Variants in PCDHGA3 observed in about 807,000 individuals in gnomAD.
PCDHGA3 encodes protocadherin gamma-A3.
In PCDHGA3, 40 loss-of-function variants were observed where a neutral mutation model predicts 58.5. The observed-to-expected ratio is 0.68, with a 90% CI of 0.53 to 0.89. PCDHGA3 has a LOEUF of 0.89. PCDHGA3 is among the 40% of genes least tolerant of loss of function. PCDHGA3 has a pLI of 0.00. For missense variants in PCDHGA3, 1,223 were observed against 1,195.9 expected (o/e 1.02, Z -0.33); for synonymous variants, 530 against 525.7 (o/e 1.01, Z -0.11).
chr5:141,345,144 G>A lies in PCDHGA3; in HGVS notation c.1111G>A (p.Val371Met), dbSNP rs369622113. The A allele has an allele frequency of 1.9e-6, 3 of 1,613,994 alleles. No individual in the cohort carries two copies. Among genetic ancestry groups the A allele is most frequent in the East Asian group, 2.2e-5 (1 of 44,882 alleles). Residue 371 changes from valine (V) to methionine (M), a missense_variant, in exon 1 of 4, where the codon GTG becomes ATG. This residue lies in a region of PCDHGA3 where 791 missense variants were observed against 708.5 expected (regional missense o/e 1.12). Coordinates refer to ENST00000253812, the MANE Select transcript of PCDHGA3 (RefSeq NM_018916.4). The stretch of plus-strand genomic sequence containing the variant: ...TGGAAGAGAAATTGCTCTTATCGAC[G>A]TGCATGACCGAGATTCTGGGCAGAA... Reference protein sequence around the residue: ...TVGREIALIDVHDRDSGQNGQ... With the variant: ...TVGREIALIDMHDRDSGQNGQ...
At chr5:141,356,535 C>G (rs777731122) in intron 1 of PCDHGA3, 1 of 1,614,054 alleles carries the variant, frequency 6.2e-7, no homozygotes, top group Non-Finnish European at 8.5e-7. Flanking sequence ...TGATGGACAT[C>G]AATGACAACC....
chr5:141,377,336 T>A (rs1773892905), intron 1 of PCDHGA3: 1 of 152,194 alleles, frequency 6.6e-6, no homozygotes, highest in South Asian at 2.1e-4. Context: ...GCTAGCATGG[T>A]GGTTCACGCC....
intron 1 of PCDHGA3, among the ~76,000 whole-genome samples, chr5:141,381,589 C>G (rs1777301144): frequency 6.6e-6 from 1 of 152,152 alleles, no homozygotes; most frequent in Admixed American, 6.5e-5. Context: ...ATCCATTATC[C>G]AGTTTCTTAT....
intron 1 of PCDHGA3, among the ~76,000 whole-genome samples, chr5:141,348,496 T>A (rs1165507036): frequency 1.3e-5 from 2 of 152,088 alleles, no homozygotes; most frequent in African/African-American, 2.4e-5. Flanking sequence ...AGAAAAAAAA[T>A]TAATTAGCTG....
At chr5:141,354,958 G>A (rs1759675206) in intron 1 of PCDHGA3, 3 of 490,374 alleles carry the variant, frequency 6.1e-6, no homozygotes, top group South Asian at 1.1e-4. Flanking sequence ...TGCAGTAACA[G>A]GTTAAGACTC....
intron 1 of PCDHGA3, among the ~76,000 whole-genome samples, chr5:141,456,083 G>A (rs2098842632): frequency 6.6e-6 from 1 of 151,960 alleles, no homozygotes; most frequent in South Asian, 2.1e-4. Context: ...ATTTTCAGTA[G>A]AGACGGGATT....
chr5:141,457,301 CCAAA>C (rs1163780799), intron 1 of PCDHGA3, among the ~76,000 whole-genome samples: 1 of 152,090 alleles, frequency 6.6e-6, no homozygotes, highest in Non-Finnish European at 1.5e-5. Context: ...TTTTATTTTC[CCAAA>C]CAAAGAAACC....
Position 141,365,100 on chromosome 5 carries a change from T to C in PCDHGA3, c.2424+18643T>C, listed in dbSNP as rs1763736772. The C allele has an allele frequency of 3.1e-6, 5 of 1,613,846 alleles. No homozygotes were observed. The East Asian group carries it at 1.1e-4, about 36-fold the overall frequency. Reference sequence around the variant, plus strand: ...GTGAGTGTTCCAGAGAACATACCTGTGGGCACTCGGCTGCTCATGCTAACC... The same window carrying C: ...GTGAGTGTTCCAGAGAACATACCTGCGGGCACTCGGCTGCTCATGCTAACC... On this transcript the variant is annotated intron_variant, in intron 1 of 3. Coordinates refer to ENST00000253812, the MANE Select transcript of PCDHGA3 (RefSeq NM_018916.4).
intron 1 of PCDHGA3, chr5:141,440,564 A>T (rs531383065): frequency 1.3e-5 from 2 of 152,248 alleles, no homozygotes; most frequent in Non-Finnish European, 2.9e-5. Context: ...TAAGTTACGT[A>T]TCTCTGAGTT....
rs192741775 is a variant in PCDHGA3, at chr5:141,428,173, C to A, written c.2425-66634C>A. The A allele has an allele frequency of 3.2e-4, 487 of 1,514,722 alleles. 1 individual carries two copies. In the Middle Eastern group the frequency reaches 7.1e-3, roughly 22 times the overall value. The allele number at this position is 1,514,722 out of a possible 1,614,324, so 93.8% of individuals were successfully genotyped here. On this transcript the variant is annotated intron_variant, in intron 1 of 3. Transcript: ENST00000253812. The stretch of plus-strand genomic sequence containing the variant: ...GGAACCTGCTGGTTGCTGTGCGTGA[C>A]GGAGGACAGCCGCCGCTCTCTGCGC...
In PCDHGA3 at chr5:141,389,878, G is replaced by A. The variant is rs1369885786; in HGVS notation, c.2424+43421G>A. On this transcript the variant is annotated intron_variant, in intron 1 of 3. Coordinates refer to ENST00000253812, the MANE Select transcript of PCDHGA3 (RefSeq NM_018916.4). ...ACGTTGCACCTGGTCTTCGCCGACA[G>A]CTTGCAGGAGGTGCTGCCGGATATC... The A allele has an allele frequency of 6.2e-7, 1 of 1,613,972 alleles. No individual in the cohort carries two copies. The highest frequency in any genetic ancestry group is 1.3e-5 in the African/African-American group (1 of 74,952).
Position 141,345,132 on chromosome 5 carries a change from G to T in PCDHGA3, c.1099G>T (p.Ala367Ser). 6.2e-7 allele frequency: 1 copy of T among 1,613,976 alleles called. No homozygotes were observed. The highest frequency in any genetic ancestry group is 8.5e-7 in the Non-Finnish European group (1 of 1,179,890). ...AGAGGGCACCGTTGGAAGAGAAATT[G>T]CTCTTATCGACGTGCATGACCGAGA... Reference protein sequence around the residue: ...PEEGTVGREIALIDVHDRDSG... With the variant: ...PEEGTVGREISLIDVHDRDSG... The change falls in exon 1 of 4, where the codon GCT becomes TCT. Residue 367 changes from alanine to serine, a missense_variant. Ala to Ser is a moderately conservative substitution (Grantham distance 99). Around this residue, in one of 3 missense-constraint regions of PCDHGA3, gnomAD observed 791 missense variants for 708.5 expected, o/e 1.12. Transcript: ENST00000253812.
At chr5:141,464,676 T>A (rs1337677151) in intron 1 of PCDHGA3, among the ~76,000 whole-genome samples, 1 of 152,176 alleles carries the variant, frequency 6.6e-6, no homozygotes. Flanking sequence ...ATAATTTTAA[T>A]TAAAATTTCT....
chr5:141,362,349 G>T (rs765171901), intron 1 of PCDHGA3: 1 of 1,613,918 alleles, frequency 6.2e-7, no homozygotes, highest in Non-Finnish European at 8.5e-7. Context: ...CTGGACCTGG[G>T]GTTCTCCCCA....
chr5:141,486,169 A>T lies in PCDHGA3; in HGVS notation c.2425-8638A>T. On this transcript the variant is annotated intron_variant, in intron 1 of 3. Transcript: ENST00000253812. The surrounding 1 kb of genome is among the most constrained non-coding windows in gnomAD (Gnocchi z 5.0). ...ATGGGGGTTCTCCAGCCATGGAGCA[A>T]CATTGCAGCCTTCGAGTGGATCTGC... 1 of 1,614,206 alleles carries T rather than the reference A, an allele frequency of 6.2e-7. No homozygotes were observed. Among genetic ancestry groups the T allele is most frequent in the Non-Finnish European group, 8.5e-7 (1 of 1,180,032 alleles).
chr5:141,357,542 G>A lies in PCDHGA3; in HGVS notation c.2424+11085G>A, dbSNP rs149810895. ...CCCAGCTATGCAGACACGCTCATCA[G>A]CCGGGAGAGTTGTGAGAAAAGCGAG... On this transcript the variant is annotated intron_variant, in intron 1 of 3. Transcript: ENST00000253812. The A allele has an allele frequency of 2.3e-4, 375 of 1,614,210 alleles. No individual in the cohort carries two copies. In the East Asian group the frequency reaches 8.3e-3, roughly 36 times the overall value.
intron 1 of PCDHGA3, chr5:141,382,898 C>T (rs938652730): frequency 6.5e-7 from 1 of 1,541,064 alleles, no homozygotes. Context: ...AGCAGGACGA[C>T]TATGGCGGCT....
At position 141,486,735 on chromosome 5, in the gene PCDHGA3, G is replaced by T; in HGVS notation, c.2425-8072G>T. 6.2e-7 allele frequency: 1 copy of T among 1,614,176 alleles called. No individual in the cohort carries two copies. The highest frequency in any genetic ancestry group is 1.1e-5 in the South Asian group (1 of 91,086). On this transcript the variant is annotated intron_variant, in intron 1 of 3. Coordinates refer to ENST00000253812, the MANE Select transcript of PCDHGA3 (RefSeq NM_018916.4). The surrounding 1 kb of genome is among the most constrained non-coding windows in gnomAD (Gnocchi z 5.0). Reference sequence around the variant, plus strand: ...CAGACAGGAGCTGTTCATGCTACTCGATCCTTTGACTATGAGCAAACCCAG... The same window carrying T: ...CAGACAGGAGCTGTTCATGCTACTCTATCCTTTGACTATGAGCAAACCCAG...
At chr5:141,500,721 ATG>A (rs1209024560) in intron 2 of PCDHGA3, among the ~76,000 whole-genome samples, 1 of 152,088 alleles carries the variant, frequency 6.6e-6, no homozygotes, top group African/African-American at 2.4e-5. Context: ...GAATTTCCCC[ATG>A]TCTTTCAAAA....
Sources: allele counts gnomAD v4.1 joint callset (sites outside exome capture counted in the v4.1 genomes callset), GRCh38; gene constraint gnomAD v4.1.1; regional missense constraint gnomAD v4.1.1; non-coding constraint Gnocchi (gnomAD v3.1); transcripts MANE v1.5; gene names NCBI Gene and HGNC (gene_info 2026-07-23, HGNC 2026-07-21).